Variants in VEGFC observed in about 807,000 individuals in gnomAD.
The protein encoded by VEGFC is vascular endothelial growth factor C.
A neutral mutation model predicts 46.1 loss-of-function variants in VEGFC; 12 were observed. The ratio of observed to expected loss-of-function variants is 0.26; its 90% CI spans 0.17 to 0.42. The LOEUF (loss-of-function observed/expected upper bound fraction) is 0.42. Among genes scored for constraint, VEGFC ranks in the 10% least tolerant of loss-of-function variants. The pLI, the probability that VEGFC is intolerant of heterozygous loss-of-function variation, is 1.00. For missense variants in VEGFC, 488 were observed against 529.4 expected, an observed-to-expected ratio of 0.92 and a Z score of 0.77; for synonymous variants, 232 against 195.5, an observed-to-expected ratio of 1.19 and a Z score of -1.56.
In VEGFC at chr4:176,761,509, G is replaced by T. The variant is rs1680631334; in HGVS notation, c.147+30656C>A. 2.0e-5 allele frequency among the ~76,000 whole-genome samples: 3 copies of T among 152,232 alleles called. No individual in the cohort carries two copies. The South Asian group carries it at 6.2e-4, about 32-fold the overall frequency. ...TACTACATTAAGGACAATAGTGAAT[G>T]AATAAATCAGCAAATACATGATTTT... On this transcript the variant is annotated intron_variant, in intron 1 of 6. Coordinates refer to ENST00000618562, the MANE Select transcript of VEGFC (RefSeq NM_005429.5).
chr4:176,779,990 C>T (rs946689485), intron 1 of VEGFC, among the ~76,000 whole-genome samples: 2 of 152,166 alleles, frequency 1.3e-5, no homozygotes, highest in East Asian at 1.9e-4. Context: ...TATTAAAGAA[C>T]GACAGCTCTT....
At chr4:176,780,375 C>T (rs2110943142) in intron 1 of VEGFC, among the ~76,000 whole-genome samples, 1 of 5,276 alleles carries the variant, frequency 1.9e-4, no homozygotes. Flanking sequence ...GAGCGAGACT[C>T]CATCTCAAAA....
At chr4:176,746,868 A>T (rs1735266368) in intron 1 of VEGFC, among the ~76,000 whole-genome samples, 1 of 152,154 alleles carries the variant, frequency 6.6e-6, no homozygotes. Flanking sequence ...AAAATAAGGC[A>T]GATGCCAGAT....
rs150796408 is a variant in VEGFC, at chr4:176,780,988, A to G, written c.147+11177T>C. On this transcript the variant is annotated intron_variant, in intron 1 of 6. Transcript: ENST00000618562. ...GCACAAAGGTACATTTTTCTAAAGT[A>G]AAACAGAATTGGTCTCTAACAGAGC... 3.0e-4 allele frequency among the ~76,000 whole-genome samples: 46 copies of G among 152,342 alleles called. 1 individual carries two copies. Among genetic ancestry groups the G allele is most frequent in the African/African-American group, 1.0e-3 (42 of 41,574 alleles).
rs1278427064 is a variant in VEGFC, at chr4:176,792,033, T to C, written c.147+132A>G. ...GATTTTTCTCCAAAGCAGCGTGCACTGAGCTCAGTAACTTTGGATCCCACG... is the reference window on the plus strand; with the variant it reads ...GATTTTTCTCCAAAGCAGCGTGCACCGAGCTCAGTAACTTTGGATCCCACG... On this transcript the variant is annotated intron_variant, in intron 1 of 6. Transcript: ENST00000618562. The surrounding 1 kb of genome is among the most constrained non-coding windows in gnomAD (Gnocchi z 6.3). 8 of 1,230,860 alleles carry C rather than the reference T, an allele frequency of 6.5e-6. No homozygotes were observed. The highest frequency in any genetic ancestry group is 8.4e-6 in the Non-Finnish European group (8 of 955,616). 76.2% of individuals were successfully genotyped at this position (1,230,860 alleles called of 1,614,324 possible). A position where few individuals can be genotyped will look rare whatever the true frequency, so the allele number is the denominator to read the frequency against.
intron 4 of VEGFC, among the ~76,000 whole-genome samples, chr4:176,699,064 T>C (rs1734377551): frequency 6.6e-6 from 1 of 152,068 alleles, no homozygotes; most frequent in African/African-American, 2.4e-5. Flanking sequence ...AGCAAATTAT[T>C]TCTATAGATA....
At chr4:176,736,515 T>C (rs1735057013) in intron 1 of VEGFC, among the ~76,000 whole-genome samples, 1 of 151,650 alleles carries the variant, frequency 6.6e-6, no homozygotes, top group African/African-American at 2.4e-5. Flanking sequence ...TAATTTCTTG[T>C]GATGATTTAA....
At chr4:176,743,413 G>C (rs1212974796) in intron 1 of VEGFC, among the ~76,000 whole-genome samples, 2 of 151,810 alleles carry the variant, frequency 1.3e-5, no homozygotes, top group Non-Finnish European at 2.9e-5. Context: ...GAATCATAAA[G>C]TAAGCATAAA....
At chr4:176,692,161 G>A (rs1414853763) in intron 4 of VEGFC, among the ~76,000 whole-genome samples, 2 of 151,886 alleles carry the variant, frequency 1.3e-5, no homozygotes, top group African/African-American at 2.4e-5. Flanking sequence ...TTGGGAGGCC[G>A]AGGCGGGCGG....
chr4:176,741,703 A>T (rs1173072526), intron 1 of VEGFC, among the ~76,000 whole-genome samples: 1 of 151,992 alleles, frequency 6.6e-6, no homozygotes, highest in Non-Finnish European at 1.5e-5. Context: ...ACTGTTCATT[A>T]GAAAAAAGAA....
intron 3 of VEGFC, among the ~76,000 whole-genome samples, chr4:176,722,499 G>T (rs57433092): frequency 0.081 from 8,420 of 104,158 alleles, 487 homozygotes; most frequent in African/African-American, 0.22. Flanking sequence ...TTTTTTTTTT[G>T]TTTTTTTTTT....
chr4:176,765,743 C>T (rs184156559), intron 1 of VEGFC, among the ~76,000 whole-genome samples: 142 of 151,860 alleles, frequency 9.4e-4, no homozygotes, highest in African/African-American at 2.8e-3. Flanking sequence ...TTAGTAGAGA[C>T]GGGGTTTCAC....
intron 1 of VEGFC, among the ~76,000 whole-genome samples, chr4:176,782,467 T>TAA (rs988985530): frequency 6.0e-5 from 8 of 133,272 alleles, no homozygotes; most frequent in East Asian, 2.2e-4. Flanking sequence ...TGTCTCAAAT[T>TAA]AAAAAAAAAA....
intron 1 of VEGFC, among the ~76,000 whole-genome samples, chr4:176,779,681 T>TC (rs35345646): frequency 0.87 from 131,951 of 151,816 alleles, 57,972 homozygotes; most frequent in East Asian, 1. Context: ...CTGCACATTT[T>TC]CCTATTGCAC....
rs145849808 is a variant in VEGFC, at chr4:176,739,598, G to T, written c.148-9852C>A. On this transcript the variant is annotated intron_variant, in intron 1 of 6. Transcript: ENST00000618562. ...CACACACTGGGGCCTGTTGTGGGGGGAGCGTATGAGGGTAGGGAACGCATC... is the reference window on the plus strand; with the variant it reads ...CACACACTGGGGCCTGTTGTGGGGGTAGCGTATGAGGGTAGGGAACGCATC... 4.1e-3 allele frequency among the ~76,000 whole-genome samples: 616 copies of T among 151,926 alleles called. 5 individuals carry two copies. Among genetic ancestry groups the T allele is most frequent in the Admixed American group, 8.2e-3 (124 of 15,194 alleles).
chr4:176,784,087 C>G (rs981275769), intron 1 of VEGFC, among the ~76,000 whole-genome samples: 1 of 37,430 alleles, frequency 2.7e-5, no homozygotes, highest in African/African-American at 6.1e-5. Flanking sequence ...TTTTTTGAAA[C>G]AGAGTCTCAC....
At chr4:176,690,462 T>C (rs891749442) in intron 4 of VEGFC, among the ~76,000 whole-genome samples, 1 of 152,146 alleles carries the variant, frequency 6.6e-6, no homozygotes, top group Non-Finnish European at 1.5e-5. Flanking sequence ...TTTTTTCACT[T>C]ACCAATATTT....
Position 176,792,861 on chromosome 4 carries a change from T to G in VEGFC, c.-550A>C, listed in dbSNP as rs182363623. 12,391 of 147,418 alleles carry G rather than the reference T, an allele frequency of 0.084. 1,044 individuals are homozygous for G. The highest frequency in any genetic ancestry group is 0.2 in the African/African-American group (8,221 of 40,184). The allele number at this position is 147,418 out of a possible 1,614,324, so 9.1% of individuals were successfully genotyped here. On this transcript the variant is annotated 5_prime_UTR_variant, in exon 1 of 7. Transcript: ENST00000618562. This position sits in a 1 kb window ranked among gnomAD's most constrained non-coding sequence, Gnocchi z 6.3. ...GGCCCGGGAGCGCCGCGGCGCAGGATCCTCCAGAGCGCGCCGGGCTGAGCG... is the reference window on the plus strand; with the variant it reads ...GGCCCGGGAGCGCCGCGGCGCAGGAGCCTCCAGAGCGCGCCGGGCTGAGCG...
At chr4:176,736,403 C>T (rs1735053557) in intron 1 of VEGFC, among the ~76,000 whole-genome samples, 1 of 151,690 alleles carries the variant, frequency 6.6e-6, no homozygotes, top group African/African-American at 2.4e-5. Flanking sequence ...GAATTTTACT[C>T]AGCTGTACCA....
Sources: gnomAD v4.1 joint callset for allele counts (sites outside exome capture counted in the v4.1 genomes callset) on GRCh38, gnomAD v4.1.1 for gene constraint, Gnocchi (gnomAD v3.1) non-coding constraint, MANE v1.5 for transcripts, NCBI Gene and HGNC (gene_info 2026-07-23, HGNC 2026-07-21) for gene names.